ELAVL2: variants seen among roughly 807,000 people sequenced by gnomAD.
The protein encoded by ELAVL2 is ELAV like RNA binding protein 2, also known as ELAV-like protein 2.
A neutral mutation model predicts 34.6 loss-of-function variants in ELAVL2; 4 were observed. The observed-to-expected ratio is 0.12, with a 90% CI of 0.06 to 0.26. The LOEUF (loss-of-function observed/expected upper bound fraction) is 0.26, where lower values mean the gene tolerates loss of function less well. Among genes scored for constraint, ELAVL2 ranks in the 10% least tolerant of loss-of-function variants. The probability of loss-of-function intolerance (pLI) is 1.00; values close to 1 mark genes in which losing one functional copy is unlikely to be tolerated. For synonymous variants in ELAVL2, 193 were observed against 154.8 expected (o/e 1.25, Z -1.83); for missense variants, 432 against 442.8 (o/e 0.98, Z 0.22).
At chr9:23,714,652 C>T (rs796523065) in intron 3 of ELAVL2, among the ~76,000 whole-genome samples, 38 of 152,186 alleles carry the variant, frequency 2.5e-4, no homozygotes, top group African/African-American at 8.4e-4. Flanking sequence ...GTAAAATGAG[C>T]GATTCTTTTG....
At chr9:23,839,466 T>A in the ELAVL2 span, among the ~76,000 whole-genome samples, 2 of 152,092 alleles carry the variant, frequency 1.3e-5, no homozygotes, top group African/African-American at 4.8e-5. Flanking sequence ...TTTGGTGCAA[T>A]TCAAGAGGAA....
intron 2 of ELAVL2, among the ~76,000 whole-genome samples, chr9:23,741,311 A>G (rs1318437544): frequency 6.6e-6 from 1 of 152,164 alleles, no homozygotes; most frequent in African/African-American, 2.4e-5. Flanking sequence ...AGACTGGCCC[A>G]TGTGAAGGTT....
intron 1 of ELAVL2, among the ~76,000 whole-genome samples, chr9:23,812,295 C>A (rs1053661443): frequency 1.4e-4 from 21 of 152,078 alleles, no homozygotes; most frequent in Non-Finnish European, 5.9e-5. Flanking sequence ...AATCTCAACA[C>A]AAAACCTAGA....
At chr9:23,782,812 G>T (rs1232208882) in intron 1 of ELAVL2, among the ~76,000 whole-genome samples, 1 of 152,164 alleles carries the variant, frequency 6.6e-6, no homozygotes, top group Non-Finnish European at 1.5e-5. Context: ...TGACCACCAA[G>T]GTTTGGTAAA....
chr9:23,750,525 C>A (rs2051684165), intron 2 of ELAVL2, among the ~76,000 whole-genome samples: 1 of 152,102 alleles, frequency 6.6e-6, no homozygotes, highest in African/African-American at 2.4e-5. Context: ...AGGTAGTACA[C>A]TGTCTGCACC....
In ELAVL2 at chr9:23,719,385, A is replaced by G. The variant is rs532758828; in HGVS notation, c.333+11637T>C. Among the ~76,000 whole-genome samples, 10 of 152,324 alleles carry G rather than the reference A, an allele frequency of 6.6e-5. No homozygotes were observed. In the South Asian group the frequency reaches 1.0e-3, roughly 16 times the overall value. On this transcript the variant is annotated intron_variant, in intron 3 of 6. Transcript: ENST00000397312. ...GGGTGTTTTTACCCCTCACCTTCACAGTTCATCTGACTTTGTGCACCAGGA... is the reference window on the plus strand; with the variant it reads ...GGGTGTTTTTACCCCTCACCTTCACGGTTCATCTGACTTTGTGCACCAGGA...
chr9:23,797,821 G>A (rs190707802), intron 1 of ELAVL2, among the ~76,000 whole-genome samples: 3 of 152,278 alleles, frequency 2.0e-5, no homozygotes, highest in East Asian at 1.9e-4. Flanking sequence ...CGAGCTACTC[G>A]GGTGGCTGAG....
intron 2 of ELAVL2, among the ~76,000 whole-genome samples, chr9:23,754,013 G>C (rs988662787): frequency 6.6e-6 from 1 of 151,996 alleles, no homozygotes; most frequent in African/African-American, 2.4e-5. Flanking sequence ...CTCTGATAAG[G>C]GCTAGGAAAG....
the ELAVL2 span, among the ~76,000 whole-genome samples, chr9:23,848,585 A>G: frequency 4.5e-4 from 69 of 152,332 alleles, 1 homozygote; most frequent in South Asian, 0.014. Context: ...GGCAAAAAAT[A>G]AGTCAGTTGT....
intron 1 of ELAVL2, among the ~76,000 whole-genome samples, chr9:23,823,466 C>A (rs906157994): frequency 2.0e-5 from 3 of 152,126 alleles, no homozygotes; most frequent in African/African-American, 7.2e-5. Context: ...TGAAGAGCTC[C>A]AGAACAGGTT....
chr9:23,838,557 A>G, the ELAVL2 span, among the ~76,000 whole-genome samples: 1 of 152,176 alleles, frequency 6.6e-6, no homozygotes, highest in African/African-American at 2.4e-5. Flanking sequence ...TTAGACAACA[A>G]TATCAGGTAT....
intron 2 of ELAVL2, among the ~76,000 whole-genome samples, chr9:23,745,005 G>C (rs1287858942): frequency 6.6e-6 from 1 of 152,114 alleles, no homozygotes; most frequent in Non-Finnish European, 1.5e-5. Flanking sequence ...AGGAGCTCAA[G>C]ACTAGCCTAG....
intron 1 of ELAVL2, among the ~76,000 whole-genome samples, chr9:23,803,076 G>A (rs1358025801): frequency 6.6e-6 from 1 of 152,202 alleles, no homozygotes; most frequent in South Asian, 2.1e-4. Flanking sequence ...CCTTTATGGT[G>A]AATCCCTTTA....
intron 5 of ELAVL2, among the ~76,000 whole-genome samples, chr9:23,697,183 A>C (rs889458434): frequency 6.6e-6 from 1 of 152,174 alleles, no homozygotes; most frequent in Non-Finnish European, 1.5e-5. Context: ...CCTCCATTTA[A>C]AGAAAAAGTA....
At chr9:23,740,844 A>G (rs2048988161) in intron 2 of ELAVL2, among the ~76,000 whole-genome samples, 1 of 152,228 alleles carries the variant, frequency 6.6e-6, no homozygotes, top group Non-Finnish European at 1.5e-5. Context: ...CTAAAGCCAA[A>G]CATGTTTGCT....
the ELAVL2 span, among the ~76,000 whole-genome samples, chr9:23,838,333 G>T: frequency 1.3e-5 from 2 of 152,056 alleles, no homozygotes; most frequent in African/African-American, 4.8e-5. Context: ...AAGCTTGAGG[G>T]CCTATAGCCA....
intron 2 of ELAVL2, among the ~76,000 whole-genome samples, chr9:23,748,784 G>A (rs1270380798): frequency 6.6e-6 from 1 of 152,012 alleles, no homozygotes; most frequent in Non-Finnish European, 1.5e-5. Flanking sequence ...TGGAGAGGAA[G>A]AGAAATAAAA....
chr9:23,827,507 C>G (rs532968459), upstream of ELAVL2, among the ~76,000 whole-genome samples: 6 of 152,014 alleles, frequency 3.9e-5, no homozygotes, highest in South Asian at 4.2e-4. Flanking sequence ...CACCAACTTC[C>G]TAGACAGTTT....
chr9:23,770,147 G>A (rs1005897444), intron 1 of ELAVL2, among the ~76,000 whole-genome samples: 1 of 152,206 alleles, frequency 6.6e-6, no homozygotes, highest in Non-Finnish European at 1.5e-5. Flanking sequence ...TGGATGGTGT[G>A]TGCAGAACAT....
Sources: gnomAD v4.1 joint callset for allele counts (sites outside exome capture counted in the v4.1 genomes callset) on GRCh38, gnomAD v4.1.1 for gene constraint, MANE v1.5 for transcripts, NCBI Gene and HGNC (gene_info 2026-07-23, HGNC 2026-07-21) for gene names.